Variants in BCOR observed in about 807,000 individuals in gnomAD.
BCOR encodes BCL-6 corepressor.
Under a neutral mutation model 86.7 loss-of-function variants are expected in BCOR, and 10 were observed. The observed-to-expected ratio is 0.12, with a 90% CI of 0.07 to 0.20. BCOR has a LOEUF of 0.20. BCOR is among the 10% of genes least tolerant of loss of function. The pLI, the probability that BCOR is intolerant of heterozygous loss-of-function variation, is 1.00. For synonymous variants in BCOR, 611 were observed against 609.0 expected, an observed-to-expected ratio of 1.00 and a Z score of -0.05; for missense variants, 1,259 against 1,452.1, an observed-to-expected ratio of 0.87 and a Z score of 2.16.
chrX:40,159,338 G>T (rs1415821770), intron 1 of BCOR, among the ~76,000 whole-genome samples: 1 of 111,751 alleles, frequency 8.9e-6, no homozygotes, highest in East Asian at 2.8e-4. Context: ...TCATAAAAGT[G>T]TTTTTTTTGT....
chrX:40,077,847 T>C lies in BCOR; in HGVS notation c.83A>G (p.Asp28Gly). ...ERVRMCGASE[D>G]RKILVNDGDA... is the part of the protein sequence containing the mutation. ...CGGCCCAGATGGGCGCATTCACCTG[T>C]CTTCGCTCGCCCCACACATGCGGAC... The change falls in exon 2 of 15, where the codon GAC becomes GGC. Residue 28 changes from aspartate to glycine, a missense_variant. Physicochemically the swap from Asp to Gly is moderately conservative, Grantham distance 94 (BLOSUM62 -1). Around this residue, in one of 7 missense-constraint regions of BCOR, gnomAD observed 174 missense variants for 189.3 expected, o/e 0.92. Coordinates refer to ENST00000378444, the MANE Select transcript of BCOR (RefSeq NM_001123385.2). 8.3e-7 allele frequency: 1 copy of C among 1,210,902 alleles called. No individual in the cohort carries two copies. The highest frequency in any genetic ancestry group is 1.1e-6 in the Non-Finnish European group (1 of 894,309).
At chrX:40,161,449 C>T (rs1414590263) in intron 1 of BCOR, among the ~76,000 whole-genome samples, 1 of 106,828 alleles carries the variant, frequency 9.4e-6, no homozygotes, top group Non-Finnish European at 1.9e-5. Context: ...CCGCCCGCCT[C>T]GGCCTCCCAA....
At chrX:40,139,425 C>CA (rs1937796901) in intron 1 of BCOR, among the ~76,000 whole-genome samples, 1 of 1,049 alleles carries the variant, frequency 9.5e-4, no homozygotes, top group Admixed American at 0.018. Flanking sequence ...AATATATATA[C>CA]ATATATATAT....
intron 1 of BCOR, among the ~76,000 whole-genome samples, chrX:40,127,147 T>C (rs1368274442): frequency 8.9e-6 from 1 of 112,193 alleles, no homozygotes; most frequent in Non-Finnish European, 1.9e-5. Flanking sequence ...CTCTGACCAA[T>C]AGAATGCACC....
intron 6 of BCOR, among the ~76,000 whole-genome samples, chrX:40,066,336 C>G (rs1009200018): frequency 1.3e-4 from 14 of 111,760 alleles, no homozygotes; most frequent in African/African-American, 4.6e-4. Flanking sequence ...TCAGCTTGGC[C>G]TGGGGACGCA....
chrX:40,150,142 T>C (rs776252774), intron 1 of BCOR, among the ~76,000 whole-genome samples: 146 of 112,590 alleles, frequency 1.3e-3, no homozygotes, highest in African/African-American at 4.7e-3. Context: ...TATCAAAACA[T>C]AGAAATATAC....
chrX:40,139,016 C>T (rs1937751673), intron 1 of BCOR, among the ~76,000 whole-genome samples: 1 of 109,679 alleles, frequency 9.1e-6, no homozygotes, highest in Non-Finnish European at 1.9e-5. Flanking sequence ...GGTTTTGAAC[C>T]CAGACAGTCT....
intron 1 of BCOR, among the ~76,000 whole-genome samples, chrX:40,161,506 CTT>C (rs749528691): frequency 1.4e-3 from 81 of 55,976 alleles, no homozygotes; most frequent in African/African-American, 6.3e-3. Context: ...CGATTCTCCC[CTT>C]TTTTTTTTTT....
chrX:40,057,273 G>A lies in BCOR; in HGVS notation c.4477C>T (p.Arg1493Trp), dbSNP rs1265777184. The change falls in exon 11 of 15, where the codon CGG becomes TGG. Residue 1493 changes from arginine to tryptophan, a missense_variant. Around this residue, in one of 7 missense-constraint regions of BCOR, gnomAD observed 47 missense variants for 102.1 expected, o/e 0.46. Transcript: ENST00000378444. ...LENKICDVNH[R>W]DNAGYCALHE... ...AGGGCGCAGTAACCTGCGTTGTCCC[G>A]ATGATTTACATCACAAATCTTGTTC... 1.7e-6 allele frequency: 2 copies of A among 1,211,609 alleles called. No homozygotes were observed. The highest frequency in any genetic ancestry group is 1.8e-5 in the South Asian group (1 of 56,906).
chrX:40,072,982 G>C lies in BCOR; in HGVS notation c.2364C>G (p.Asn788Lys), dbSNP rs1261499514. 8.3e-7 allele frequency: 1 copy of C among 1,212,114 alleles called. No individual in the cohort carries two copies. ...DVPTDKNLKPNPNWNQGKTVV... is the reference protein window; with the variant it reads ...DVPTDKNLKPKPNWNQGKTVV... ...CAGTCTTCCCTTGATTCCAGTTGGGGTTCGGCTTTAGGTTCTTGTCGGTGG... is the reference window on the plus strand; with the variant it reads ...CAGTCTTCCCTTGATTCCAGTTGGGCTTCGGCTTTAGGTTCTTGTCGGTGG... The change falls in exon 4 of 15, where the codon AAC becomes AAG. Residue 788 changes from asparagine to lysine, a missense_variant. By Grantham distance (94) the Asn-to-Lys change is moderately conservative (BLOSUM62 0). Transcript: ENST00000378444.
At chrX:40,143,332 G>A (rs1243642333) in intron 1 of BCOR, among the ~76,000 whole-genome samples, 7 of 112,087 alleles carry the variant, frequency 6.2e-5, no homozygotes, top group African/African-American at 1.6e-4. Flanking sequence ...TAGCCCACAC[G>A]AGTTGAAATT....
chrX:40,096,633 C>T (rs1045250488), intron 1 of BCOR, among the ~76,000 whole-genome samples: 20 of 112,062 alleles, frequency 1.8e-4, no homozygotes, highest in Non-Finnish European at 3.8e-4. Flanking sequence ...GAGGCACTCG[C>T]CACACACCCT....
At chrX:40,098,425 C>T (rs1936995947), upstream of BCOR, among the ~76,000 whole-genome samples, 1 of 110,904 alleles carries the variant, frequency 9.0e-6, no homozygotes, top group African/African-American at 3.3e-5. Flanking sequence ...CCGACTTGGG[C>T]GGCGGCGGCG....
intron 1 of BCOR, among the ~76,000 whole-genome samples, chrX:40,117,613 G>A (rs1569184521): frequency 9.0e-6 from 1 of 111,458 alleles, no homozygotes; most frequent in Non-Finnish European, 1.9e-5. Context: ...AATTCATAAC[G>A]CCTTTCAAAA....
chrX:40,146,494 G>A (rs1938058819), intron 1 of BCOR: 1 of 112,812 alleles, frequency 8.9e-6, no homozygotes, highest in South Asian at 3.6e-4. Flanking sequence ...GGTGAAATCC[G>A]AGGAGCTCTC....
chrX:40,077,383 C>T (rs1935860365), intron 2 of BCOR: 2 of 146,531 alleles, frequency 1.4e-5, no homozygotes, highest in African/African-American at 3.2e-5. Flanking sequence ...AGCTGTCTGA[C>T]GACCAAAAGC....
intron 1 of BCOR, among the ~76,000 whole-genome samples, chrX:40,110,592 G>A (rs1425827573): frequency 1.0e-5 from 1 of 100,083 alleles, no homozygotes; most frequent in Non-Finnish European, 2.0e-5. Flanking sequence ...ACCACAGTGG[G>A]AAGTTTGTAG....
At chrX:40,166,248 C>A (rs1481182441) in intron 1 of BCOR, among the ~76,000 whole-genome samples, 1 of 112,057 alleles carries the variant, frequency 8.9e-6, no homozygotes, top group African/African-American at 3.2e-5. Flanking sequence ...TTAGGGAGTT[C>A]ACAGTTTAGT....
chrX:40,129,568 T>C (rs1270512125), intron 1 of BCOR, among the ~76,000 whole-genome samples: 1 of 109,057 alleles, frequency 9.2e-6, no homozygotes, highest in Non-Finnish European at 1.9e-5. Context: ...GCCAGGTATA[T>C]AAGTAGAAGG....
Sources: gnomAD v4.1 joint callset for allele counts (sites outside exome capture counted in the v4.1 genomes callset) on GRCh38, gnomAD v4.1.1 for gene constraint, gnomAD v4.1.1 regional missense constraint, MANE v1.5 for transcripts, NCBI Gene and HGNC (gene_info 2026-07-23, HGNC 2026-07-21) for gene names.